The following TRAP1 variants were observed in gnomAD, a reference collection of about 807,000 sequenced individuals.
TRAP1 encodes heat shock protein 75 kDa, mitochondrial.
In TRAP1, 102 loss-of-function variants were observed where a neutral mutation model predicts 89.1. That is an observed-to-expected ratio of 1.15 (90% CI 0.98 to 1.35). The LOEUF is 1.35. Ranked by LOEUF, TRAP1 falls within the 40% of genes most tolerant of loss-of-function variation. TRAP1 has a pLI of 0.00. For synonymous variants in TRAP1, 508 were observed against 388.0 expected (o/e 1.31, Z -3.64); for missense variants, 1,256 against 945.3 (o/e 1.33, Z -4.31).
At chr16:3,691,712 AT>A in intron 1 of TRAP1, among the ~76,000 whole-genome samples, 1 of 152,100 alleles carries the variant, frequency 6.6e-6, no homozygotes, top group Non-Finnish European at 1.5e-5. Flanking sequence ...AAATGTTAAT[AT>A]TCTGAAACTG....
chr16:3,709,808 G>A (rs2051503113), intron 1 of TRAP1, among the ~76,000 whole-genome samples: 3 of 152,176 alleles, frequency 2.0e-5, no homozygotes, highest in East Asian at 1.9e-4. Context: ...GCGCCACCAC[G>A]CCCGGCTAGT....
chr16:3,682,935 G>A (rs1231510956), intron 4 of TRAP1, among the ~76,000 whole-genome samples: 1 of 151,944 alleles, frequency 6.6e-6, no homozygotes, highest in Non-Finnish European at 1.5e-5. Context: ...TTGGGAGGCC[G>A]AGGCAGGCAG....
intron 1 of TRAP1, among the ~76,000 whole-genome samples, chr16:3,704,683 C>G (rs559328518): frequency 2.6e-5 from 4 of 152,058 alleles, no homozygotes; most frequent in Non-Finnish European, 4.4e-5. Context: ...GGAGACCCCC[C>G]CAACTCTCAA....
chr16:3,689,096 G>C lies in TRAP1; in HGVS notation c.289C>G (p.Leu97Val). Residue 97 changes from leucine to valine, a missense_variant, in exon 3 of 18, where the codon CTT becomes GTT. Leu to Val is a conservative substitution (Grantham distance 32). Coordinates refer to ENST00000246957, the MANE Select transcript of TRAP1 (RefSeq NM_016292.3). ...KHEFQAETKK[L>V]LDIVARSLYS... ...AGGGACCGGGCAACAATGTCCAAAA[G>C]CTTCTTTGTCTCGGCCTGGAACTCA... 1 of 1,613,992 alleles carries C rather than the reference G, an allele frequency of 6.2e-7. No individual in the cohort carries two copies. Among genetic ancestry groups the C allele is most frequent in the South Asian group, 1.1e-5 (1 of 91,060 alleles).
intron 1 of TRAP1, among the ~76,000 whole-genome samples, chr16:3,696,503 G>A (rs2051289420): frequency 6.6e-6 from 1 of 152,166 alleles, no homozygotes; most frequent in South Asian, 2.1e-4. Context: ...ACAAGGAATG[G>A]CAGAAAACAG....
intron 1 of TRAP1, among the ~76,000 whole-genome samples, chr16:3,696,238 T>C (rs1251061534): frequency 6.6e-6 from 1 of 152,128 alleles, no homozygotes; most frequent in Non-Finnish European, 1.5e-5. Flanking sequence ...CAGAGATCCC[T>C]GCGGAGCACA....
intron 3 of TRAP1, 115 bp downstream of exon 3, chr16:3,688,940 G>T: frequency 1.0e-6 from 1 of 985,362 alleles, no homozygotes. Context: ...CCTGTCCAAA[G>T]TTTAATGCTT....
At position 3,676,044 on chromosome 16, in the gene TRAP1, C is replaced by T. The variant is rs144433785; in HGVS notation, c.806G>A (p.Arg269Gln). 5.1e-5 allele frequency: 82 copies of T among 1,613,170 alleles called. No homozygotes were observed. The highest frequency in any genetic ancestry group is 1.2e-4 in the South Asian group (11 of 90,890). The change falls in exon 7 of 18, where the codon CGG (arginine) becomes CAG (glutamine). Residue 269 changes from arginine (R) to glutamine (Q), a missense_variant. By Grantham distance (43) the Arg-to-Gln change is conservative. Transcript: ENST00000246957. Reference protein sequence around the residue: ...SDCKEFSSEARVRDVVTKYSN... With the variant: ...SDCKEFSSEAQVRDVVTKYSN... ...CCCGGGCTCCCGCTCACCTCGCACCCGGGCCTCGCTGGAAAACTCCTTGCA... is the reference window on the plus strand; with the variant it reads ...CCCGGGCTCCCGCTCACCTCGCACCTGGGCCTCGCTGGAAAACTCCTTGCA...
rs139364551 is a variant in TRAP1 at position 3,663,467 on chromosome 16, G to A, written c.1665C>T (p.Val555=). Residue 555 remains valine (V), a synonymous_variant, in exon 14 of 18, where the codon GTC becomes GTT. Transcript: ENST00000246957. Reference sequence around the variant, plus strand: ...ACTTCTCCTCCTTGTAGTGATCCACGACTATGTCCGTCTCCACAGAGATCA... The same window carrying A: ...ACTTCTCCTCCTTGTAGTGATCCACAACTATGTCCGTCTCCACAGAGATCA... The part of the protein sequence containing the change: ...KKLISVETDI[V]VDHYKEEKFE... The A allele has an allele frequency of 3.8e-4, 607 of 1,614,154 alleles. 5 individuals are homozygous for A. In the African/African-American group the frequency reaches 6.6e-3, roughly 18 times the overall value.
At chr16:3,676,280 T>C (rs746914391) in intron 6 of TRAP1, 135 bp from the exon 7 acceptor site, 18 of 574,614 alleles carry the variant, frequency 3.1e-5, no homozygotes, top group Non-Finnish European at 4.7e-5. Flanking sequence ...GCCCCATTTC[T>C]GACCCCAGCG....
At chr16:3,662,305 G>T in intron 15 of TRAP1, 173 bp from the exon 16 acceptor site, 2 of 771,604 alleles carry the variant, frequency 2.6e-6, no homozygotes, top group Non-Finnish European at 2.0e-6. Flanking sequence ...TGGGCCCTGA[G>T]CTGATGCCCC....
At position 3,676,164 on chromosome 16, in the gene TRAP1, G is replaced by C. The variant is rs1428163227; in HGVS notation, c.705-19C>G. 1.2e-6 allele frequency: 2 copies of C among 1,608,974 alleles called. No homozygotes were observed. The highest frequency in any genetic ancestry group is 1.7e-6 in the Non-Finnish European group (2 of 1,176,612). On this transcript the variant is annotated intron_variant, in intron 6 of 17. Coordinates refer to ENST00000246957, the MANE Select transcript of TRAP1 (RefSeq NM_016292.3). Reference sequence around the variant, plus strand: ...TCCAGAACTAAGGCAGGCAAAGAAAGGAAAAGCCAGGTGGATGTGACACTG... The same window carrying C: ...TCCAGAACTAAGGCAGGCAAAGAAACGAAAAGCCAGGTGGATGTGACACTG...
At chr16:3,698,032 C>G (rs1005365519) in intron 1 of TRAP1, among the ~76,000 whole-genome samples, 2 of 151,522 alleles carry the variant, frequency 1.3e-5, no homozygotes, top group Admixed American at 1.3e-4. Flanking sequence ...AGGATGGTCT[C>G]GAACTCCTGA....
Position 3,695,599 on chromosome 16 carries a change from G to A in TRAP1, c.89-4614C>T, listed in dbSNP as rs946862714. Among the ~76,000 whole-genome samples the A allele has an allele frequency of 2.6e-5, 4 of 151,488 alleles. No homozygotes were observed. In the South Asian group the frequency reaches 6.3e-4, roughly 24 times the overall value. The stretch of plus-strand genomic sequence containing the variant: ...AGAAACCGTGAAAACAAAACAGGGC[G>A]CACATGAACACAAAATGAAATACAA... On this transcript the variant is annotated intron_variant, in intron 1 of 17. Transcript: ENST00000246957.
At chr16:3,703,866 T>C (rs1281611481) in intron 1 of TRAP1, among the ~76,000 whole-genome samples, 1 of 150,912 alleles carries the variant, frequency 6.6e-6, no homozygotes, top group East Asian at 2.0e-4. Flanking sequence ...ATACAAAAAA[T>C]TAGCCGGGCG....
Position 3,711,945 on chromosome 16 carries a change from G to A in TRAP1, c.88+5476C>T, listed in dbSNP as rs556431744. ...ACATTCTCTGGCTTTGAACCCAAAA[G>A]CACTTTTTACTTCATTTGAGTATGA... On this transcript the variant is annotated intron_variant, in intron 1 of 17. Coordinates refer to ENST00000246957, the MANE Select transcript of TRAP1 (RefSeq NM_016292.3). Among the ~76,000 whole-genome samples the A allele has an allele frequency of 7.2e-5, 11 of 152,258 alleles. No individual in the cohort carries two copies. The South Asian group carries it at 2.3e-3, about 32-fold the overall frequency.
Position 3,663,574 on chromosome 16 carries a change from C to G in TRAP1, c.1570-12G>C. On this transcript the variant is annotated splice_polypyrimidine_tract_variant and intron_variant, in intron 13 of 17. Transcript: ENST00000246957. ...AAGCAGAAGAGAACCTGCAGGTGGC[C>G]AAGAGCAGCTCCATCAGACCCCGGG... is the stretch of plus-strand genomic sequence containing the variant. 1 of 1,613,460 alleles carries G rather than the reference C, an allele frequency of 6.2e-7. No individual in the cohort carries two copies. The highest frequency in any genetic ancestry group is 8.5e-7 in the Non-Finnish European group (1 of 1,179,842).
intron 1 of TRAP1, among the ~76,000 whole-genome samples, chr16:3,695,057 T>C (rs879440732): frequency 2.6e-5 from 4 of 152,166 alleles, no homozygotes; most frequent in East Asian, 3.9e-4. Flanking sequence ...CCTCTACACA[T>C]GTCTGTCTGT....
At chr16:3,662,261 C>T in intron 15 of TRAP1, 129 bp from the exon 16 acceptor site, 1 of 1,098,236 alleles carries the variant, frequency 9.1e-7, no homozygotes. Context: ...TCCCCTGGAC[C>T]AGCGCTGCTC....
Sources: gnomAD v4.1 joint callset for allele counts (sites outside exome capture counted in the v4.1 genomes callset) on GRCh38, gnomAD v4.1.1 for gene constraint, MANE v1.5 for transcripts, NCBI Gene and HGNC (gene_info 2026-07-23, HGNC 2026-07-21) for gene names.